The following WDR70 variants were observed in gnomAD, a reference collection of about 807,000 sequenced individuals.
WDR70 encodes WD repeat domain 70.
A neutral mutation model predicts 88.6 loss-of-function variants in WDR70; 53 were observed. The observed-to-expected ratio is 0.60, with a 90% CI of 0.48 to 0.75. The LOEUF is 0.75. Ranked by LOEUF, WDR70 falls within the 30% of genes least tolerant of loss-of-function variation. The pLI is 0.00. For missense variants in WDR70, 610 were observed against 823.2 expected (o/e 0.74, Z 3.17); for synonymous variants, 280 against 270.0 (o/e 1.04, Z -0.36).
chr5:37,598,408 G>A (rs1419229801), intron 9 of WDR70, among the ~76,000 whole-genome samples: 1 of 152,122 alleles, frequency 6.6e-6, no homozygotes, highest in African/African-American at 2.4e-5. Flanking sequence ...TGAGATTAGG[G>A]ATATAAACAT....
intron 9 of WDR70, among the ~76,000 whole-genome samples, chr5:37,589,359 G>A (rs111831630): frequency 0.04 from 6,065 of 151,214 alleles, 431 homozygotes; most frequent in African/African-American, 0.14. Flanking sequence ...TAATATATAT[G>A]TTTATGTATC....
At chr5:37,430,762 T>A (rs1444268813) in intron 5 of WDR70, among the ~76,000 whole-genome samples, 1 of 152,120 alleles carries the variant, frequency 6.6e-6, no homozygotes, top group African/African-American at 2.4e-5. Flanking sequence ...GGTTTCACCA[T>A]GTTGGCCAGG....
At chr5:37,416,222 C>A (rs4499858) in intron 5 of WDR70, among the ~76,000 whole-genome samples, 1 of 152,048 alleles carries the variant, frequency 6.6e-6, no homozygotes, top group Non-Finnish European at 1.5e-5. Flanking sequence ...CTGGGCACCA[C>A]TGAGCACTGA....
intron 9 of WDR70, among the ~76,000 whole-genome samples, chr5:37,553,281 A>G (rs1742199860): frequency 6.6e-6 from 1 of 152,158 alleles, no homozygotes; most frequent in Admixed American, 6.5e-5. Flanking sequence ...ACATTTATTT[A>G]GGGGTGGAGT....
At chr5:37,531,089 A>G (rs534901489) in intron 9 of WDR70, among the ~76,000 whole-genome samples, 119 of 151,852 alleles carry the variant, frequency 7.8e-4, no homozygotes, top group Non-Finnish European at 1.4e-3. Context: ...ATTTTCATGT[A>G]TTTGCATGGT....
intron 5 of WDR70, among the ~76,000 whole-genome samples, chr5:37,423,372 A>AAAG (rs1244718934): frequency 6.6e-6 from 1 of 151,358 alleles, no homozygotes; most frequent in South Asian, 2.1e-4. Flanking sequence ...TAAAAAAAAA[A>AAAG]AAGAAGAAAA....
chr5:37,628,431 T>A lies in WDR70; in HGVS notation c.1092+23193T>A, dbSNP rs150914791. 6.6e-3 allele frequency among the ~76,000 whole-genome samples: 1,008 copies of A among 152,334 alleles called. 13 individuals are homozygous for A. The highest frequency in any genetic ancestry group is 0.023 in the African/African-American group (961 of 41,584). On this transcript the variant is annotated intron_variant, in intron 10 of 17. Coordinates refer to ENST00000265107, the MANE Select transcript of WDR70 (RefSeq NM_018034.4). ...GCAAATATATTTACAATTGTTATAT[T>A]CTCTTGCTGAATTGATCCTTTTATT... is the stretch of plus-strand genomic sequence containing the variant.
At chr5:37,646,418 G>GT (rs1198993626) in intron 10 of WDR70, among the ~76,000 whole-genome samples, 1 of 151,940 alleles carries the variant, frequency 6.6e-6, no homozygotes, top group Non-Finnish European at 1.5e-5. Flanking sequence ...AATATTGTAT[G>GT]TTTTTTGTGT....
At chr5:37,402,943 C>CTTTTTTTTTTTT (rs1561838923) in intron 5 of WDR70, among the ~76,000 whole-genome samples, 1 of 41,714 alleles carries the variant, frequency 2.4e-5, no homozygotes, top group African/African-American at 8.3e-5. Flanking sequence ...TCCCTCCCTC[C>CTTTTTTTTTTTT]GTTTTTTTTT....
intron 10 of WDR70, among the ~76,000 whole-genome samples, chr5:37,633,946 A>G (rs766901068): frequency 6.6e-6 from 1 of 152,142 alleles, no homozygotes; most frequent in Non-Finnish European, 1.5e-5. Context: ...TTATAAAGAT[A>G]GACTTGGACC....
chr5:37,724,760 AGTCT>A (rs1171323781), intron 15 of WDR70, 170 bp from the exon 16 acceptor site: 14 of 621,770 alleles, frequency 2.3e-5, no homozygotes, highest in Non-Finnish European at 4.0e-5. Context: ...GTGACCAGTG[AGTCT>A]GGTCTCAAGC....
intron 10 of WDR70, among the ~76,000 whole-genome samples, chr5:37,614,187 T>C (rs1453129930): frequency 1.3e-5 from 2 of 152,314 alleles, no homozygotes; most frequent in East Asian, 3.9e-4. Context: ...CCTTGCCTTT[T>C]CCAGTTTCTA....
intron 6 of WDR70, among the ~76,000 whole-genome samples, chr5:37,439,837 G>A (rs183969327): frequency 1.3e-5 from 2 of 151,952 alleles, no homozygotes; most frequent in African/African-American, 4.8e-5. Context: ...TTATTTAAAA[G>A]CAAATACCTG....
At chr5:37,632,656 GT>G (rs1443337654) in intron 10 of WDR70, among the ~76,000 whole-genome samples, 3 of 152,110 alleles carry the variant, frequency 2.0e-5, no homozygotes, top group Admixed American at 1.3e-4. Context: ...TACAATGTGT[GT>G]TTTATGTGTT....
intron 10 of WDR70, among the ~76,000 whole-genome samples, chr5:37,627,067 T>A (rs1744688859): frequency 6.6e-6 from 1 of 152,076 alleles, no homozygotes; most frequent in Non-Finnish European, 1.5e-5. Flanking sequence ...CTCAAAGAAC[T>A]AACTTTCTGT....
chr5:37,746,941 CA>C (rs1196888131), intron 17 of WDR70, among the ~76,000 whole-genome samples: 9 of 152,036 alleles, frequency 5.9e-5, no homozygotes, highest in African/African-American at 2.2e-4. Context: ...ATCTTGATAC[CA>C]AAACCAGGAA....
At chr5:37,392,227 C>T (rs564800315) in intron 4 of WDR70, 107 bp downstream of exon 4, 4 of 1,294,430 alleles carry the variant, frequency 3.1e-6, no homozygotes, top group South Asian at 2.8e-5. Flanking sequence ...GCTCTATCGC[C>T]CTCTGCAGTG....
intron 10 of WDR70, among the ~76,000 whole-genome samples, chr5:37,627,905 C>A (rs112263521): frequency 1.6e-4 from 24 of 152,242 alleles, no homozygotes; most frequent in African/African-American, 5.5e-4. Context: ...GTGAAATATT[C>A]TGTAAATGTC....
intron 5 of WDR70, among the ~76,000 whole-genome samples, chr5:37,417,023 G>T (rs1320678029): frequency 6.6e-6 from 1 of 151,930 alleles, no homozygotes; most frequent in Non-Finnish European, 1.5e-5. Context: ...TTCTGCCTCT[G>T]AGCAGTGGTT....
Sources: gnomAD v4.1 joint callset for allele counts (sites outside exome capture counted in the v4.1 genomes callset) on GRCh38, gnomAD v4.1.1 for gene constraint, MANE v1.5 for transcripts, NCBI Gene and HGNC (gene_info 2026-07-23, HGNC 2026-07-21) for gene names.